The following KCNK13 variants were observed in gnomAD, a reference collection of about 807,000 sequenced individuals.
KCNK13 encodes the protein potassium two pore domain channel subfamily K member 13, also known as potassium channel subfamily K member 13.
A neutral mutation model predicts 23.4 loss-of-function variants in KCNK13; 12 were observed. The observed-to-expected ratio is 0.51, with a 90% confidence interval of 0.33 to 0.83. The LOEUF (loss-of-function observed/expected upper bound fraction) is 0.83, where lower values mean the gene tolerates loss of function less well. Among genes scored for constraint, KCNK13 ranks in the 40% least tolerant of loss-of-function variants. KCNK13 has a pLI of 0.02. For synonymous variants in KCNK13, 231 were observed against 229.5 expected, an observed-to-expected ratio of 1.01 and a Z score of -0.06; for missense variants, 463 against 556.3, an observed-to-expected ratio of 0.83 and a Z score of 1.69.
intron 1 of KCNK13, among the ~76,000 whole-genome samples, chr14:90,077,486 T>C (rs889419754): frequency 6.6e-6 from 1 of 152,210 alleles, no homozygotes; most frequent in African/African-American, 2.4e-5. Context: ...CATTTTTATC[T>C]TGTCATACTT....
rs78526459 is a variant in KCNK13, at chr14:90,101,683, G to T, written c.334+39144G>T. ...CGTGCTCCTGTAATCCCAGCTACTC[G>T]GGAGGCTGAGGCAGGAGAACTGCTT... On this transcript the variant is annotated intron_variant, in intron 1 of 1. Coordinates refer to ENST00000282146, the MANE Select transcript of KCNK13 (RefSeq NM_022054.4). Among the ~76,000 whole-genome samples, 6 of 149,360 alleles carry T rather than the reference G, an allele frequency of 4.0e-5. No individual in the cohort carries two copies. The East Asian group carries it at 6.2e-4, about 15-fold the overall frequency.
At chr14:90,135,311 G>A (rs904296615) in intron 1 of KCNK13, among the ~76,000 whole-genome samples, 9 of 152,150 alleles carry the variant, frequency 5.9e-5, no homozygotes, top group Non-Finnish European at 7.4e-5. Flanking sequence ...TCCTTGGGCC[G>A]CCTCAGGGTC....
At chr14:90,139,556 T>G (rs920211276) in intron 1 of KCNK13, among the ~76,000 whole-genome samples, 1 of 151,954 alleles carries the variant, frequency 6.6e-6, no homozygotes, top group African/African-American at 2.4e-5. Context: ...AGCAAGGGAG[T>G]GATGAGATCC....
intron 1 of KCNK13, among the ~76,000 whole-genome samples, chr14:90,167,311 C>T (rs113546694): frequency 2.6e-5 from 4 of 152,114 alleles, no homozygotes; most frequent in African/African-American, 9.7e-5. Flanking sequence ...TTCCCAAAGA[C>T]GATCTATTTT....
chr14:90,110,091 T>A (rs372296990), intron 1 of KCNK13, among the ~76,000 whole-genome samples: 57 of 152,308 alleles, frequency 3.7e-4, no homozygotes, highest in African/African-American at 1.1e-3. Flanking sequence ...CCAAACTACC[T>A]GCCCAACTCA....
intron 1 of KCNK13, among the ~76,000 whole-genome samples, chr14:90,114,690 T>C (rs1165296256): frequency 1.3e-5 from 2 of 152,208 alleles, no homozygotes; most frequent in African/African-American, 2.4e-5. Flanking sequence ...AGGGATTTTG[T>C]TCCATGCTTC....
intron 1 of KCNK13, chr14:90,107,715 A>G: frequency 2.6e-6 from 2 of 771,786 alleles, no homozygotes; most frequent in Non-Finnish European, 2.4e-6. Flanking sequence ...CAGCCTGGGA[A>G]GGTGGTTGTG....
In KCNK13 at chr14:90,158,002, G is replaced by A. The variant is rs115466701; in HGVS notation, c.335-26109G>A. 6.3e-3 allele frequency among the ~76,000 whole-genome samples: 966 copies of A among 152,242 alleles called. 9 individuals carry two copies. Among genetic ancestry groups the A allele is most frequent in the African/African-American group, 0.022 (934 of 41,572 alleles). ...AGGTGTGAGCCACTGTGCCTGGCTA[G>A]CATTTATTTTTTCGAAGGATCAGAT... On this transcript the variant is annotated intron_variant, in intron 1 of 1. Transcript: ENST00000282146.
At chr14:90,085,838 T>C (rs1291172243) in intron 1 of KCNK13, among the ~76,000 whole-genome samples, 3 of 134,596 alleles carry the variant, frequency 2.2e-5, no homozygotes, top group Non-Finnish European at 4.6e-5. Context: ...ATATATTATA[T>C]AGATATTATA....
chr14:90,152,707 G>A (rs1162209016), intron 1 of KCNK13, among the ~76,000 whole-genome samples: 3 of 152,164 alleles, frequency 2.0e-5, no homozygotes, highest in Non-Finnish European at 2.9e-5. Flanking sequence ...TAGCCTCATA[G>A]TCTATTTTAA....
intron 1 of KCNK13, among the ~76,000 whole-genome samples, chr14:90,097,986 GTC>G (rs145863746): frequency 1.1e-4 from 17 of 149,638 alleles, no homozygotes; most frequent in East Asian, 1.9e-4. Flanking sequence ...AAGGATCCAG[GTC>G]TCTCTCTCTC....
intron 1 of KCNK13, among the ~76,000 whole-genome samples, chr14:90,155,558 A>C (rs1890183925): frequency 6.6e-6 from 1 of 152,190 alleles, no homozygotes. Context: ...GAATTCAGGG[A>C]AAACAGAATA....
chr14:90,068,151 C>A (rs28664211), intron 1 of KCNK13, among the ~76,000 whole-genome samples: 7 of 151,978 alleles, frequency 4.6e-5, no homozygotes, highest in Non-Finnish European at 1.0e-4. Context: ...TGGCCACCAC[C>A]ACCTGCAAGT....
At position 90,177,055 on chromosome 14, in the gene KCNK13, G is replaced by T. The variant is rs1045947820; in HGVS notation, c.335-7056G>T. 2.6e-5 allele frequency among the ~76,000 whole-genome samples: 4 copies of T among 152,052 alleles called. No homozygotes were observed. In the East Asian group the frequency reaches 7.7e-4, roughly 29 times the overall value. Reference sequence around the variant, plus strand: ...TAAAATAAATACAAGAATTAACCAGGTGTGGTGATGCAACCTGTAATCCCA... The same window carrying T: ...TAAAATAAATACAAGAATTAACCAGTTGTGGTGATGCAACCTGTAATCCCA... On this transcript the variant is annotated intron_variant, in intron 1 of 1. Coordinates refer to ENST00000282146, the MANE Select transcript of KCNK13 (RefSeq NM_022054.4).
intron 1 of KCNK13, among the ~76,000 whole-genome samples, chr14:90,153,402 T>C (rs1596801508): frequency 6.6e-6 from 1 of 152,230 alleles, no homozygotes; most frequent in African/African-American, 2.4e-5. Context: ...ACCAGTACTA[T>C]CTATCTCACA....
intron 1 of KCNK13, among the ~76,000 whole-genome samples, chr14:90,081,902 G>A (rs1889217402): frequency 6.6e-6 from 1 of 152,132 alleles, no homozygotes; most frequent in Admixed American, 6.6e-5. Flanking sequence ...TAGTTCCAGT[G>A]AGAGTGGATT....
Position 90,062,288 on chromosome 14 carries a change from T to C in KCNK13, c.83T>C (p.Val28Ala). The C allele has an allele frequency of 6.4e-7, 1 of 1,559,534 alleles. No individual in the cohort carries two copies. The highest frequency in any genetic ancestry group is 8.6e-7 in the Non-Finnish European group (1 of 1,161,074). Residue 28 changes from valine (V) to alanine (A), a missense_variant, in exon 1 of 2, where the codon GTG becomes GCG. Coordinates refer to ENST00000282146, the MANE Select transcript of KCNK13 (RefSeq NM_022054.4). The surrounding 1 kb of genome is among the most constrained non-coding windows in gnomAD (Gnocchi z 4.5). ...ARFLLLAALI[V>A]LYLLGGAAVF... ...TTTCTGCTGCTGGCCGCGCTCATCG[T>C]GCTCTACCTGCTGGGCGGCGCCGCC...
At chr14:90,083,310 T>C (rs1266166803) in intron 1 of KCNK13, among the ~76,000 whole-genome samples, 2 of 152,232 alleles carry the variant, frequency 1.3e-5, no homozygotes, top group Non-Finnish European at 2.9e-5. Context: ...TTTTGTTGCT[T>C]ATGCTTTTAG....
At chr14:90,113,864 T>C (rs537865657) in intron 1 of KCNK13, among the ~76,000 whole-genome samples, 5 of 151,338 alleles carry the variant, frequency 3.3e-5, no homozygotes, top group Non-Finnish European at 5.9e-5. Flanking sequence ...ACCCAGGAGG[T>C]GGAGGTTGCA....
Sources: allele counts gnomAD v4.1 joint callset (sites outside exome capture counted in the v4.1 genomes callset), GRCh38; gene constraint gnomAD v4.1.1; non-coding constraint Gnocchi (gnomAD v3.1); transcripts MANE v1.5; gene names NCBI Gene and HGNC (gene_info 2026-07-23, HGNC 2026-07-21).